The following SESN1 variants were observed in gnomAD, a reference collection of about 807,000 sequenced individuals.
SESN1 encodes sestrin-1.
SESN1 carries 30 observed loss-of-function variants against 59.3 expected under a neutral mutation model. That is an observed-to-expected ratio of 0.51 (90% CI 0.38 to 0.69). The LOEUF (loss-of-function observed/expected upper bound fraction) is 0.69. Among genes scored for constraint, SESN1 ranks in the 30% least tolerant of loss-of-function variants. The pLI is 0.00. For missense variants in SESN1, 566 were observed against 673.0 expected (o/e 0.84, Z 1.76); for synonymous variants, 197 against 219.9 (o/e 0.90, Z 0.92).
chr6:108,998,046 A>G (rs1415646313), intron 5 of SESN1, among the ~76,000 whole-genome samples: 1 of 152,220 alleles, frequency 6.6e-6, no homozygotes, highest in Non-Finnish European at 1.5e-5. Flanking sequence ...AATTCTGAAG[A>G]GAGAAATTTC....
rs539404333 is a variant in SESN1, at chr6:109,090,261, A to C, written c.279+3534T>G. Among the ~76,000 whole-genome samples, 33 of 152,338 alleles carry C rather than the reference A, an allele frequency of 2.2e-4. No individual in the cohort carries two copies. The South Asian group carries it at 2.5e-3, about 11-fold the overall frequency. ...ACTTATTCAAAGTTGTAGAGTTAAT[A>C]AAGTACAGTCCCATACTGCGTAACA... On this transcript the variant is annotated intron_variant, in intron 1 of 9. Transcript: ENST00000436639.
chr6:109,073,396 C>T (rs1780971536), intron 1 of SESN1, among the ~76,000 whole-genome samples: 1 of 152,182 alleles, frequency 6.6e-6, no homozygotes, highest in Non-Finnish European at 1.5e-5. Context: ...GATGGAAACA[C>T]TAAATCAGTT....
intron 1 of SESN1, among the ~76,000 whole-genome samples, chr6:109,070,132 T>G (rs917890965): frequency 6.6e-6 from 1 of 152,152 alleles, no homozygotes; most frequent in African/African-American, 2.4e-5. Flanking sequence ...ACAAAATACT[T>G]TCACGTGATT....
At chr6:109,080,190 AG>A (rs1417512361) in intron 1 of SESN1, among the ~76,000 whole-genome samples, 2 of 152,188 alleles carry the variant, frequency 1.3e-5, no homozygotes, top group African/African-American at 4.8e-5. Flanking sequence ...TGCAAACGTT[AG>A]GGTCTAAAAT....
chr6:109,025,226 G>T (rs1297830521), intron 1 of SESN1, among the ~76,000 whole-genome samples: 2 of 151,766 alleles, frequency 1.3e-5, no homozygotes, highest in East Asian at 3.9e-4. Context: ...TTGGTGGAAG[G>T]GGTAAAATCT....
In SESN1 at chr6:109,093,834, A is replaced by G. The variant is rs1159094142; in HGVS notation, c.240T>C (p.Asp80=). ...GAATAAACTCACTTTTCTCTCTCAC[A>G]TCTTTGAAGGGACACCTCTTAGAAA... ...LMLSKRCPFK[D]VREKSEFILK... is the part of the protein sequence containing the mutation. The change falls in exon 1 of 10, where the codon GAT becomes GAC. Residue 80 remains aspartate (D), a synonymous_variant. Coordinates refer to ENST00000436639, the MANE Select transcript of SESN1 (RefSeq NM_014454.3). 2 of 1,614,194 alleles carry G rather than the reference A, an allele frequency of 1.2e-6. No homozygotes were observed. Among genetic ancestry groups the G allele is most frequent in the South Asian group, 1.1e-5 (1 of 91,088 alleles).
intron 7 of SESN1, among the ~76,000 whole-genome samples, chr6:108,992,396 C>T (rs192087333): frequency 1.8e-4 from 28 of 152,190 alleles, no homozygotes; most frequent in South Asian, 8.3e-4. Context: ...GGATCACAGG[C>T]GGGAGCCATT....
chr6:109,051,285 T>C (rs1780538478), intron 1 of SESN1, among the ~76,000 whole-genome samples: 1 of 152,102 alleles, frequency 6.6e-6, no homozygotes, highest in Non-Finnish European at 1.5e-5. Context: ...ATCAGAATAT[T>C]ATAAAGATTT....
chr6:108,988,038 C>G (rs1464208387), intron 9 of SESN1, among the ~76,000 whole-genome samples: 1 of 152,120 alleles, frequency 6.6e-6, no homozygotes, highest in African/African-American at 2.4e-5. Context: ...AAGTGATCAG[C>G]CTGCCTTGGC....
At chr6:109,059,076 A>G (rs751531730) in intron 1 of SESN1, among the ~76,000 whole-genome samples, 4 of 151,114 alleles carry the variant, frequency 2.6e-5, no homozygotes, top group Non-Finnish European at 5.9e-5. Flanking sequence ...AATTTATGTA[A>G]CTCCATATAT....
At chr6:109,022,702 C>G (rs1780031943) in intron 1 of SESN1, among the ~76,000 whole-genome samples, 1 of 152,128 alleles carries the variant, frequency 6.6e-6, no homozygotes, top group South Asian at 2.1e-4. Context: ...ACATGAAACA[C>G]CATGCCTGGC....
intron 1 of SESN1, among the ~76,000 whole-genome samples, chr6:109,054,215 G>GAA (rs1780592085): frequency 6.6e-6 from 1 of 151,902 alleles, no homozygotes; most frequent in Admixed American, 6.6e-5. Flanking sequence ...GACTAACTCT[G>GAA]AAAGTTATGA....
intron 1 of SESN1, among the ~76,000 whole-genome samples, chr6:109,015,540 A>T (rs1298258951): frequency 2.0e-5 from 3 of 152,198 alleles, no homozygotes; most frequent in Admixed American, 1.3e-4. Context: ...GTCTGTTGAG[A>T]TATAAAAATT....
At chr6:109,047,957 C>T (rs892569082) in intron 1 of SESN1, among the ~76,000 whole-genome samples, 9 of 146,926 alleles carry the variant, frequency 6.1e-5, no homozygotes, top group Admixed American at 2.7e-4. Flanking sequence ...ACAAACACTG[C>T]GGAAGGCCAC....
intron 1 of SESN1, among the ~76,000 whole-genome samples, chr6:109,014,953 T>A (rs895652639): frequency 2.6e-5 from 4 of 152,226 alleles, no homozygotes; most frequent in Non-Finnish European, 5.9e-5. Context: ...ATAAGCTTCA[T>A]AAAATCAGAA....
chr6:109,086,982 A>T (rs1353130183), intron 1 of SESN1, among the ~76,000 whole-genome samples: 1 of 152,116 alleles, frequency 6.6e-6, no homozygotes, highest in Non-Finnish European at 1.5e-5. Context: ...AAATAGAAAA[A>T]TTAGCTGGGC....
chr6:108,998,045 G>A (rs185659107), intron 5 of SESN1, among the ~76,000 whole-genome samples: 2 of 152,156 alleles, frequency 1.3e-5, no homozygotes, highest in Admixed American at 6.5e-5. Flanking sequence ...GAATTCTGAA[G>A]AGAGAAATTT....
rs377584683 is a variant in SESN1, at chr6:109,058,579, CTAGATGCCAA to C, written c.279+35206_279+35215del. 4.8e-3 allele frequency among the ~76,000 whole-genome samples: 730 copies of C among 152,320 alleles called. 1 individual carries two copies. The highest frequency in any genetic ancestry group is 0.015 in the African/African-American group (618 of 41,570). ...TGTCCTCCTAACTGCTTATCTCTCT[CTAGATGCCAA>C]AAGATGCCAAACATTGTAACACGTA... On this transcript the variant is annotated intron_variant, in intron 1 of 9. Coordinates refer to ENST00000436639, the MANE Select transcript of SESN1 (RefSeq NM_014454.3).
rs1266426172 is a variant in SESN1 at position 108,990,850 on chromosome 6, T to C, written c.1234-15A>G. 6.2e-7 allele frequency: 1 copy of C among 1,607,038 alleles called. No homozygotes were observed. The highest frequency in any genetic ancestry group is 2.2e-5 in the East Asian group (1 of 44,822). ...CAGCAATAGTCCTAAATACAGGGAA[T>C]AGAACAAATGTGAATAAATGTGGTC... On this transcript the variant is annotated splice_polypyrimidine_tract_variant and intron_variant, in intron 7 of 9. Transcript: ENST00000436639.
Sources: allele counts gnomAD v4.1 joint callset (sites outside exome capture counted in the v4.1 genomes callset), GRCh38; gene constraint gnomAD v4.1.1; transcripts MANE v1.5; gene names NCBI Gene and HGNC (gene_info 2026-07-23, HGNC 2026-07-21).